The following FBXO34 variants were observed in gnomAD, a reference collection of about 807,000 sequenced individuals.
FBXO34 encodes F-box protein 34.
FBXO34 carries 12 observed loss-of-function variants against 24.5 expected under a neutral mutation model. That is an observed-to-expected ratio of 0.49 (90% CI 0.31 to 0.79). FBXO34 has a LOEUF of 0.79. FBXO34 is among the 30% of genes least tolerant of loss of function. FBXO34 has a pLI of 0.04. For missense variants in FBXO34, 823 were observed against 857.7 expected (o/e 0.96, Z 0.51); for synonymous variants, 320 against 311.9 (o/e 1.03, Z -0.27).
chr14:55,440,689 A>G, the FBXO34 span: 3 of 965,016 alleles, frequency 3.1e-6, no homozygotes, highest in Middle Eastern at 3.4e-4. Context: ...GAGATGGGCT[A>G]GGGGTGGGCC....
At chr14:55,408,684 T>C in the FBXO34 span, among the ~76,000 whole-genome samples, 9 of 152,220 alleles carry the variant, frequency 5.9e-5, no homozygotes, top group South Asian at 1.0e-3. Context: ...GATGGGAGGA[T>C]TGCTTGAGCC....
At chr14:55,315,666 G>A (rs1037089765) in intron 1 of FBXO34, among the ~76,000 whole-genome samples, 3 of 152,168 alleles carry the variant, frequency 2.0e-5, no homozygotes, top group Admixed American at 2.0e-4. Context: ...ATTTTAAAGG[G>A]AAGTTCCATT....
chr14:55,384,556 T>A, the FBXO34 span, among the ~76,000 whole-genome samples: 1 of 152,240 alleles, frequency 6.6e-6, no homozygotes, highest in South Asian at 2.1e-4. Flanking sequence ...ATCTGCCTTT[T>A]TATTTTTCTA....
At chr14:55,292,415 G>A (rs934245617) in intron 1 of FBXO34, among the ~76,000 whole-genome samples, 4 of 151,676 alleles carry the variant, frequency 2.6e-5, no homozygotes, top group African/African-American at 9.7e-5. Flanking sequence ...GCTGGAGTGT[G>A]GTGGTGCCAA....
chr14:55,399,312 T>C, the FBXO34 span, among the ~76,000 whole-genome samples: 1 of 152,266 alleles, frequency 6.6e-6, no homozygotes, highest in African/African-American at 2.4e-5. Context: ...TCAGTTGTAC[T>C]GCCATCCACA....
the FBXO34 span, among the ~76,000 whole-genome samples, chr14:55,425,927 T>G: frequency 9.8e-5 from 15 of 152,320 alleles, no homozygotes; most frequent in African/African-American, 3.6e-4. Context: ...GTCACCTAGA[T>G]CTTATTCATA....
chr14:55,329,164 C>T (rs1012602728), intron 1 of FBXO34, among the ~76,000 whole-genome samples: 3 of 84,896 alleles, frequency 3.5e-5, no homozygotes, highest in African/African-American at 1.1e-4. Context: ...AAAATTCATG[C>T]AGCTGAGTTC....
intron 1 of FBXO34, among the ~76,000 whole-genome samples, chr14:55,289,562 G>A (rs751546608): frequency 1.2e-4 from 19 of 152,096 alleles, no homozygotes; most frequent in Non-Finnish European, 2.2e-4. Context: ...AAAGAAAGAG[G>A]TCTTGCTTTG....
chr14:55,420,800 C>T, the FBXO34 span, among the ~76,000 whole-genome samples: 1 of 152,028 alleles, frequency 6.6e-6, no homozygotes, highest in Non-Finnish European at 1.5e-5. Context: ...TGGCTCACTC[C>T]TGTAATCCCA....
chr14:55,394,005 A>AT, the FBXO34 span, among the ~76,000 whole-genome samples: 1,725 of 138,910 alleles, frequency 0.012, 19 homozygotes, highest in Middle Eastern at 0.024. Context: ...CAGTATCATA[A>AT]TTTTTTTTTT....
the FBXO34 span, among the ~76,000 whole-genome samples, chr14:55,376,657 G>A: frequency 6.6e-6 from 1 of 152,282 alleles, no homozygotes; most frequent in South Asian, 2.1e-4. Flanking sequence ...CGTGTTAGTG[G>A]ACGAGGCCTC....
At chr14:55,377,363 T>C in the FBXO34 span, among the ~76,000 whole-genome samples, 6 of 151,072 alleles carry the variant, frequency 4.0e-5, no homozygotes, top group South Asian at 4.2e-4. Context: ...AAAAAGGAAA[T>C]TGTGAATTGT....
Position 55,308,031 on chromosome 14 carries a change from G to C in FBXO34, c.-11+36494G>C, listed in dbSNP as rs116648703. On this transcript the variant is annotated intron_variant, in intron 1 of 1. Coordinates refer to ENST00000313833, the MANE Select transcript of FBXO34 (RefSeq NM_017943.4). ...TTCTCCTCGTGGTAATAAGTCTCAC[G>C]AGATCCGATGGTTTTATAAATGGGA... Among the ~76,000 whole-genome samples the C allele has an allele frequency of 1.3e-3, 200 of 152,254 alleles. 2 individuals are homozygous for C. Among genetic ancestry groups the C allele is most frequent in the South Asian group, 7.5e-3 (36 of 4,828 alleles).
intron 1 of FBXO34, among the ~76,000 whole-genome samples, chr14:55,328,312 CTA>C (rs1883419951): frequency 6.6e-6 from 1 of 152,158 alleles, no homozygotes; most frequent in South Asian, 2.1e-4. Context: ...GAAGGAAACA[CTA>C]TAAGGCTTCT....
At chr14:55,286,453 G>T (rs530725290) in intron 1 of FBXO34, among the ~76,000 whole-genome samples, 1 of 152,138 alleles carries the variant, frequency 6.6e-6, no homozygotes, top group African/African-American at 2.4e-5. Flanking sequence ...CTTGTGCATT[G>T]TATTTGTTTT....
At chr14:55,415,105 A>G in the FBXO34 span, among the ~76,000 whole-genome samples, 1 of 152,174 alleles carries the variant, frequency 6.6e-6, no homozygotes, top group Non-Finnish European at 1.5e-5. Flanking sequence ...ACCAACAACC[A>G]AACACCACCA....
At chr14:55,365,760 G>A (rs1473053322), downstream of FBXO34, among the ~76,000 whole-genome samples, 1 of 152,100 alleles carries the variant, frequency 6.6e-6, no homozygotes, top group Non-Finnish European at 1.5e-5. Flanking sequence ...CCTGTTGCCT[G>A]CCAGCCTTCT....
At chr14:55,414,075 G>T in the FBXO34 span, 1 of 562,566 alleles carries the variant, frequency 1.8e-6, no homozygotes, top group Non-Finnish European at 3.4e-6. Flanking sequence ...CAAATTACTG[G>T]AAGATGGCCC....
At chr14:55,322,126 C>T (rs895013127) in intron 1 of FBXO34, among the ~76,000 whole-genome samples, 9 of 151,386 alleles carry the variant, frequency 5.9e-5, no homozygotes, top group African/African-American at 9.7e-5. Context: ...ATCGAGACCA[C>T]GGTGAAACCT....
Sources: allele counts gnomAD v4.1 joint callset (sites outside exome capture counted in the v4.1 genomes callset), GRCh38; gene constraint gnomAD v4.1.1; transcripts MANE v1.5; gene names NCBI Gene and HGNC (gene_info 2026-07-23, HGNC 2026-07-21).